Variants in FSTL5 observed in about 807,000 individuals in gnomAD.
FSTL5 encodes the protein follistatin like 5, also known as follistatin-related protein 5.
Under a neutral mutation model 89.1 loss-of-function variants are expected in FSTL5, and 62 were observed. The observed-to-expected ratio is 0.70, with a 90% CI of 0.57 to 0.86. FSTL5 has a LOEUF of 0.86. Among genes scored for constraint, FSTL5 ranks in the 40% least tolerant of loss-of-function variants. FSTL5 has a pLI of 0.00. For missense variants in FSTL5, 1,057 were observed against 1,001.6 expected, an observed-to-expected ratio of 1.06 and a Z score of -0.75; for synonymous variants, 383 against 346.2, an observed-to-expected ratio of 1.11 and a Z score of -1.18.
At chr4:161,545,107 T>C (rs540492196) in intron 8 of FSTL5, among the ~76,000 whole-genome samples, 1 of 152,160 alleles carries the variant, frequency 6.6e-6, no homozygotes, top group East Asian at 1.9e-4. Context: ...TCTTCCTGAC[T>C]AGAATTTAAA....
chr4:161,425,893 C>G (rs754570737), intron 15 of FSTL5, among the ~76,000 whole-genome samples: 14 of 151,702 alleles, frequency 9.2e-5, no homozygotes, highest in Non-Finnish European at 2.1e-4. Context: ...GCAACCGCTT[C>G]TCTCTCAAGA....
rs35261391 is a variant in FSTL5 at position 161,601,329 on chromosome 4, G to GAAAAAAAAAA, written c.895-13764_895-13755dup. ...AGTGACACAAAGTCTTAAATAGTTG[G>GAAAAAAAAAA]AAAAAAAAAAAAAAAAAAAAAGGCA... is the stretch of plus-strand genomic sequence containing the variant. On this transcript the variant is annotated intron_variant, in intron 7 of 15. Transcript: ENST00000306100. Among the ~76,000 whole-genome samples the GAAAAAAAAAA allele has an allele frequency of 7.4e-5, 8 of 107,540 alleles. 3 individuals are homozygous for GAAAAAAAAAA. The highest frequency in any genetic ancestry group is 1.1e-4 in the African/African-American group (3 of 27,610). 70.6% of individuals were successfully genotyped at this position (107,540 alleles called of 152,430 possible).
intron 8 of FSTL5, among the ~76,000 whole-genome samples, chr4:161,562,104 C>T (rs1732626060): frequency 6.6e-6 from 1 of 151,976 alleles, no homozygotes; most frequent in Non-Finnish European, 1.5e-5. Flanking sequence ...CCAGTTCATG[C>T]TCATGGTTTT....
chr4:161,461,805 T>G (rs1390136219), intron 13 of FSTL5, among the ~76,000 whole-genome samples: 2 of 152,162 alleles, frequency 1.3e-5, no homozygotes, highest in Non-Finnish European at 2.9e-5. Flanking sequence ...ATATTTTCCC[T>G]TTCTATGTTA....
Position 162,077,197 on chromosome 4 carries a change from C to T in FSTL5, c.126+34074G>A, listed in dbSNP as rs187547141. On this transcript the variant is annotated intron_variant, in intron 2 of 15. Coordinates refer to ENST00000306100, the MANE Select transcript of FSTL5 (RefSeq NM_020116.5). ...GCTGTGGTCTTCCCTGGCAGAAAAG[C>T]ACGAGAGGGCAAGAGAGTGAGGGAG... Among the ~76,000 whole-genome samples, 178 of 151,832 alleles carry T rather than the reference C, an allele frequency of 1.2e-3. 2 individuals are homozygous for T. The highest frequency in any genetic ancestry group is 5.1e-3 in the Admixed American group (78 of 15,202).
chr4:161,563,510 A>G (rs1283477426), intron 8 of FSTL5, among the ~76,000 whole-genome samples: 2 of 151,884 alleles, frequency 1.3e-5, no homozygotes, highest in Admixed American at 1.3e-4. Context: ...GTTGGCTCTA[A>G]TTCATGTCAG....
intron 7 of FSTL5, among the ~76,000 whole-genome samples, chr4:161,618,181 G>A (rs6536602): frequency 0.66 from 87,534 of 133,008 alleles, 28,991 homozygotes; most frequent in African/African-American, 0.74. Flanking sequence ...TTTGTATCCT[G>A]AGACTTTGCT....
At chr4:161,399,095 G>A (rs557502784) in intron 15 of FSTL5, among the ~76,000 whole-genome samples, 2 of 152,006 alleles carry the variant, frequency 1.3e-5, no homozygotes, top group Non-Finnish European at 2.9e-5. Flanking sequence ...TAAAATAAGC[G>A]AAGTCTGTGC....
rs1260062304 is a variant in FSTL5, at chr4:161,888,743, C to T, written c.409+31661G>A. ...AGGAAGTCATGATTTGATTCTGTCT[C>T]TTCCTCATTTAATTACTTTAACCAA... is the stretch of plus-strand genomic sequence containing the variant. On this transcript the variant is annotated intron_variant, in intron 4 of 15. Transcript: ENST00000306100. 1.3e-5 allele frequency among the ~76,000 whole-genome samples: 2 copies of T among 152,098 alleles called. 1 individual carries two copies. Among genetic ancestry groups the T allele is most frequent in the East Asian group, 3.9e-4 (2 of 5,188 alleles).
intron 4 of FSTL5, among the ~76,000 whole-genome samples, chr4:161,900,908 A>C (rs1466666876): frequency 1.3e-5 from 2 of 152,092 alleles, no homozygotes; most frequent in Non-Finnish European, 2.9e-5. Context: ...TGTAAATATC[A>C]GTACTGTTTA....
chr4:161,748,651 A>G (rs1041046957), intron 6 of FSTL5, among the ~76,000 whole-genome samples: 1 of 143,876 alleles, frequency 7.0e-6, no homozygotes, highest in African/African-American at 2.6e-5. Flanking sequence ...AGTATCTCAC[A>G]TGAAAAGACT....
chr4:161,475,290 T>G (rs1560913104), intron 13 of FSTL5, among the ~76,000 whole-genome samples: 1 of 152,182 alleles, frequency 6.6e-6, no homozygotes, highest in South Asian at 2.1e-4. Flanking sequence ...ATTCTTATTT[T>G]TCTTCAAATT....
At chr4:161,517,486 A>G (rs1182402230) in intron 10 of FSTL5, among the ~76,000 whole-genome samples, 1 of 152,184 alleles carries the variant, frequency 6.6e-6, no homozygotes, top group Non-Finnish European at 1.5e-5. Flanking sequence ...GGAGTGACTG[A>G]AACCTTTACT....
chr4:161,987,495 T>TACAC (rs1735998667), intron 3 of FSTL5, among the ~76,000 whole-genome samples: 1 of 146,000 alleles, frequency 6.8e-6, no homozygotes, highest in South Asian at 2.1e-4. Context: ...TACATACATA[T>TACAC]ATAAAAAATA....
chr4:161,962,556 C>A (rs1405252936), intron 3 of FSTL5, among the ~76,000 whole-genome samples: 1 of 149,042 alleles, frequency 6.7e-6, no homozygotes, highest in Non-Finnish European at 1.5e-5. Flanking sequence ...TTTTTTAATT[C>A]CTCGGAGTAT....
intron 3 of FSTL5, among the ~76,000 whole-genome samples, chr4:161,966,955 C>A (rs544076950): frequency 3.9e-5 from 6 of 151,908 alleles, no homozygotes; most frequent in Middle Eastern, 3.4e-3. Flanking sequence ...ACAAAAAAAA[C>A]CTCAATCTTT....
In FSTL5 at chr4:161,792,914, G is replaced by A. The variant is rs534570093; in HGVS notation, c.410-16840C>T. 2.4e-3 allele frequency among the ~76,000 whole-genome samples: 367 copies of A among 152,308 alleles called. 2 individuals are homozygous for A. The highest frequency in any genetic ancestry group is 8.1e-3 in the African/African-American group (337 of 41,566). On this transcript the variant is annotated intron_variant, in intron 4 of 15. Coordinates refer to ENST00000306100, the MANE Select transcript of FSTL5 (RefSeq NM_020116.5). ...AAACATCCCCTCCCCCACTTGCCAC[G>A]TTGCTGGTGACAAGAAGGAGAGAAG...
At chr4:161,899,295 A>T (rs1202116934) in intron 4 of FSTL5, among the ~76,000 whole-genome samples, 3 of 152,224 alleles carry the variant, frequency 2.0e-5, no homozygotes, top group Non-Finnish European at 2.9e-5. Flanking sequence ...AGAAGAAAAG[A>T]AGGAAAGAAG....
At chr4:161,713,971 CTG>C (rs1224451579) in intron 6 of FSTL5, among the ~76,000 whole-genome samples, 1 of 152,134 alleles carries the variant, frequency 6.6e-6, no homozygotes, top group Non-Finnish European at 1.5e-5. Context: ...TTACCCATAA[CTG>C]TGTGAAACCT....
Sources: gnomAD v4.1 joint callset for allele counts (sites outside exome capture counted in the v4.1 genomes callset) on GRCh38, gnomAD v4.1.1 for gene constraint, MANE v1.5 for transcripts, NCBI Gene and HGNC (gene_info 2026-07-23, HGNC 2026-07-21) for gene names.